RBP4: variants seen among roughly 807,000 people sequenced by gnomAD.
The protein encoded by RBP4 is retinol binding protein 4.
In RBP4, 9 loss-of-function variants were observed where a neutral mutation model predicts 26.2. That is an observed-to-expected ratio of 0.34 (90% CI 0.21 to 0.60). The LOEUF (loss-of-function observed/expected upper bound fraction) is 0.60. RBP4 is among the 20% of genes least tolerant of loss of function. The probability of loss-of-function intolerance (pLI) is 0.80; values close to 1 mark genes in which losing one functional copy is unlikely to be tolerated. For synonymous variants in RBP4, 114 were observed against 111.0 expected, an observed-to-expected ratio of 1.03 and a Z score of -0.17; for missense variants, 244 against 271.3, an observed-to-expected ratio of 0.90 and a Z score of 0.71.
intron 4 of RBP4, among the ~76,000 whole-genome samples, chr10:93,595,770 C>T (rs1447148927): frequency 6.6e-6 from 1 of 152,200 alleles, no homozygotes; most frequent in Non-Finnish European, 1.5e-5. Context: ...CAGCCCAAAC[C>T]CAGGCTCTGC....
upstream of RBP4, chr10:93,601,242 G>GCCGCGGCCGCC: frequency 8.2e-7 from 1 of 1,225,876 alleles, no homozygotes; most frequent in Non-Finnish European, 1.0e-6. Context: ...AGGCGAGCGC[G>GCCGCGGCCGCC]CCGCGGCCGC....
upstream of RBP4, chr10:93,601,369 C>T (rs2058338512): frequency 8.0e-7 from 1 of 1,247,796 alleles, no homozygotes; most frequent in Non-Finnish European, 1.0e-6. Flanking sequence ...CACCGGAGCC[C>T]GGGCACGGGC....
rs781436011 is a variant in RBP4, at chr10:93,593,990, A to T, written c.401T>A (p.Val134Glu). 1.9e-6 allele frequency: 3 copies of T among 1,613,820 alleles called. No homozygotes were observed. Among genetic ancestry groups the T allele is most frequent in the Non-Finnish European group, 2.5e-6 (3 of 1,180,034 alleles). The change falls in exon 5 of 6, where the codon GTG becomes GAG. Residue 134 changes from valine to glutamate, a missense_variant. Coordinates refer to ENST00000371464, the MANE Select transcript of RBP4 (RefSeq NM_006744.4). Reference sequence around the variant, plus strand: ...GTTCAGGAGGCGGCAGGAGTACTGCACGGCATACGTGTCGTAGTCTGTGTC... The same window carrying T: ...GTTCAGGAGGCGGCAGGAGTACTGCTCGGCATACGTGTCGTAGTCTGTGTC... ...IVDTDYDTYA[V>E]QYSCRLLNLD...
intron 4 of RBP4, among the ~76,000 whole-genome samples, chr10:93,597,989 C>G (rs534499977): frequency 4.1e-4 from 62 of 152,312 alleles, no homozygotes; most frequent in African/African-American, 1.5e-3. Flanking sequence ...CAAGCCATGC[C>G]ATTTGCGAGA....
Position 93,600,820 on chromosome 10 carries a change from AGCAGGGGTTTGG to A in RBP4, c.112-29_112-18del, listed in dbSNP as rs1159749964. 10 of 1,528,910 alleles carry A rather than the reference AGCAGGGGTTTGG, an allele frequency of 6.5e-6. No homozygotes were observed. The highest frequency in any genetic ancestry group is 8.8e-6 in the Non-Finnish European group (10 of 1,130,066). 94.7% of individuals were successfully genotyped at this position (1,528,910 alleles called of 1,614,324 possible). ...CCCAGAGAACTGTGAGAAGGATGAC[AGCAGGGGTTTGG>A]CGTCCGGGGGCGCACGGCGGGCCGC... is the stretch of plus-strand genomic sequence containing the variant. On this transcript the variant is annotated intron_variant, in intron 2 of 5. Coordinates refer to ENST00000371464, the MANE Select transcript of RBP4 (RefSeq NM_006744.4).
chr10:93,592,021 T>C lies in RBP4; in HGVS notation c.*54A>G. ...ATTAAACTCCTAAGATAAATAGAGCTGAAGACTGAGAGCTAATCAGAAGTT... is the reference window on the plus strand; with the variant it reads ...ATTAAACTCCTAAGATAAATAGAGCCGAAGACTGAGAGCTAATCAGAAGTT... On this transcript the variant is annotated 3_prime_UTR_variant, in exon 6 of 6. Coordinates refer to ENST00000371464, the MANE Select transcript of RBP4 (RefSeq NM_006744.4). The C allele has an allele frequency of 1.4e-6, 2 of 1,449,504 alleles. No homozygotes were observed. The highest frequency in any genetic ancestry group is 1.1e-5 in the South Asian group (1 of 87,616). The allele number at this position is 1,449,504 out of a possible 1,614,324, so 89.8% of individuals were successfully genotyped here.
rs964432548 is a variant in RBP4, at chr10:93,594,118, G to A, written c.356-83C>T. 1.4e-5 allele frequency: 18 copies of A among 1,280,758 alleles called. No homozygotes were observed. The Admixed American group carries it at 1.9e-4, about 13-fold the overall frequency. 79.3% of individuals were successfully genotyped at this position (1,280,758 alleles called of 1,614,324 possible). A position where few individuals can be genotyped will look rare whatever the true frequency, so the allele number is the denominator to read the frequency against. ...CGGAGAAACTCACGACCAGGCCTGA[G>A]AACACAGTGACTTCCAGAAGCTGGT... On this transcript the variant is annotated intron_variant, in intron 4 of 5. Coordinates refer to ENST00000371464, the MANE Select transcript of RBP4 (RefSeq NM_006744.4).
intron 3 of RBP4, 29 bp from the exon 4 acceptor site, chr10:93,600,528 A>C: frequency 2.5e-6 from 4 of 1,613,596 alleles, no homozygotes; most frequent in Middle Eastern, 1.7e-4. Flanking sequence ...TCCTCAGCCA[A>C]GCCGGGCAAA....
At chr10:93,601,393 G>T (rs1589687574), upstream of RBP4, 1 of 1,270,930 alleles carries the variant, frequency 7.9e-7, no homozygotes, top group Non-Finnish European at 9.9e-7. Flanking sequence ...GTCCCTGTGG[G>T]CCGGCCTCAC....
chr10:93,600,536 A>G, intron 3 of RBP4, 37 bp from the exon 4 acceptor site: 2 of 1,613,080 alleles, frequency 1.2e-6, no homozygotes, highest in South Asian at 1.1e-5. Context: ...CAAGCCGGGC[A>G]AAGGGCTTCC....
At chr10:93,592,822 A>ATTT (rs200041693) in intron 5 of RBP4, among the ~76,000 whole-genome samples, 76 of 150,804 alleles carry the variant, frequency 5.0e-4, no homozygotes, top group African/African-American at 1.7e-3. Flanking sequence ...GATTATTATT[A>ATTT]TTATTATTTT....
chr10:93,601,528 G>C, upstream of RBP4: 1 of 668,390 alleles, frequency 1.5e-6, no homozygotes, highest in Non-Finnish European at 2.6e-6. Flanking sequence ...GCGGTCTAGG[G>C]TGGCCTCCGG....
At chr10:93,600,258 T>C in intron 4 of RBP4, 135 bp downstream of exon 4, 1 of 789,648 alleles carries the variant, frequency 1.3e-6, no homozygotes, top group South Asian at 1.4e-5. Flanking sequence ...CAGGTGGTGC[T>C]GCGGGTTCCT....
Position 93,596,555 on chromosome 10 carries a change from C to T in RBP4, c.356-2520G>A, listed in dbSNP as rs190910049. Among the ~76,000 whole-genome samples, 13 of 152,316 alleles carry T rather than the reference C, an allele frequency of 8.5e-5. No individual in the cohort carries two copies. In the East Asian group the frequency reaches 1.2e-3, roughly 14 times the overall value. Reference sequence around the variant, plus strand: ...CAGCCATTTCCAGACTCCAGCTAACCGCATGCAGTGGAGCTAGGGACAGAG... The same window carrying T: ...CAGCCATTTCCAGACTCCAGCTAACTGCATGCAGTGGAGCTAGGGACAGAG... On this transcript the variant is annotated intron_variant, in intron 4 of 5. Transcript: ENST00000371464.
At chr10:93,601,251 G>T (rs2058337668), upstream of RBP4, 3 of 1,222,866 alleles carry the variant, frequency 2.5e-6, no homozygotes, top group Non-Finnish European at 3.0e-6. Context: ...CGCCGCGGCC[G>T]CCCCGCTGCT....
At position 93,592,017 on chromosome 10, in the gene RBP4, G is replaced by A; in HGVS notation, c.*58C>T. ...GCAAATTAAACTCCTAAGATAAATA[G>A]AGCTGAAGACTGAGAGCTAATCAGA... is the stretch of plus-strand genomic sequence containing the variant. On this transcript the variant is annotated 3_prime_UTR_variant, in exon 6 of 6. Transcript: ENST00000371464. 1.4e-6 allele frequency: 2 copies of A among 1,407,124 alleles called. No homozygotes were observed. Among genetic ancestry groups the A allele is most frequent in the South Asian group, 1.2e-5 (1 of 86,646 alleles). The allele number at this position is 1,407,124 out of a possible 1,614,324, so 87.2% of individuals were successfully genotyped here. A position where few individuals can be genotyped will look rare whatever the true frequency, so the allele number is the denominator to read the frequency against.
upstream of RBP4, chr10:93,601,389 G>C (rs2058338631): frequency 7.9e-7 from 1 of 1,269,556 alleles, no homozygotes; most frequent in Admixed American, 4.1e-5. Flanking sequence ...CAGGGTCCCT[G>C]TGGGCCGGCC....
intron 4 of RBP4, among the ~76,000 whole-genome samples, chr10:93,595,880 G>A (rs1299907823): frequency 1.3e-5 from 2 of 152,194 alleles, no homozygotes; most frequent in Admixed American, 6.5e-5. Context: ...GCTGTTCCAG[G>A]GTAACAGTGT....
chr10:93,592,894 T>C (rs13376735), intron 5 of RBP4, among the ~76,000 whole-genome samples: 1,739 of 152,280 alleles, frequency 0.011, 28 homozygotes, highest in African/African-American at 0.039. Context: ...CTCAACTCAC[T>C]GCAGCCTCCG....
Sources: gnomAD v4.1 joint callset for allele counts (sites outside exome capture counted in the v4.1 genomes callset) on GRCh38, gnomAD v4.1.1 for gene constraint, MANE v1.5 for transcripts, NCBI Gene and HGNC (gene_info 2026-07-23, HGNC 2026-07-21) for gene names.